Variants in PSMB2 observed in about 807,000 individuals in gnomAD.
PSMB2 encodes the protein proteasome 20S subunit beta 2, also known as proteasome subunit beta type-2.
In PSMB2, 13 loss-of-function variants were observed where a neutral mutation model predicts 25.7. That is an observed-to-expected ratio of 0.51 (90% CI 0.33 to 0.80). PSMB2 has a LOEUF of 0.80. Ranked by LOEUF, PSMB2 falls within the 30% of genes least tolerant of loss-of-function variation. The pLI is 0.02. For missense variants in PSMB2, 202 were observed against 259.0 expected (o/e 0.78, Z 1.51); for synonymous variants, 87 against 96.2 (o/e 0.90, Z 0.56).
intron 5 of PSMB2, 134 bp from the exon 6 acceptor site, chr1:35,603,508 G>T (rs3820465): frequency 0.019 from 20,418 of 1,075,898 alleles, 750 homozygotes; most frequent in African/African-American, 0.12. Context: ...ACTGGAGGCA[G>T]TTGGCAGTAG....
chr1:35,609,057 C>T (rs1002736839), intron 4 of PSMB2, among the ~76,000 whole-genome samples, 189 bp downstream of exon 4: 2 of 152,184 alleles, frequency 1.3e-5, no homozygotes, highest in Admixed American at 1.3e-4. Flanking sequence ...AAAAATAGAA[C>T]TTACATCAGC....
At chr1:35,639,678 G>A (rs1232292907) in intron 1 of PSMB2, among the ~76,000 whole-genome samples, 1 of 152,146 alleles carries the variant, frequency 6.6e-6, no homozygotes, top group African/African-American at 2.4e-5. Flanking sequence ...ACATACATTT[G>A]GGATGAAACA....
At chr1:35,618,928 T>C (rs1038426238) in intron 3 of PSMB2, among the ~76,000 whole-genome samples, 2 of 152,214 alleles carry the variant, frequency 1.3e-5, no homozygotes, top group African/African-American at 4.8e-5. Flanking sequence ...CTGGCCCACG[T>C]TTATAAATTC....
chr1:35,613,669 C>T (rs1650402955), intron 3 of PSMB2, among the ~76,000 whole-genome samples: 1 of 152,164 alleles, frequency 6.6e-6, no homozygotes, highest in Non-Finnish European at 1.5e-5. Context: ...TTCTACCTCC[C>T]TCTAGACACA....
chr1:35,605,397 TAAA>T (rs764137582), intron 4 of PSMB2, 115 bp from the exon 5 acceptor site: 88 of 1,036,242 alleles, frequency 8.5e-5, no homozygotes, highest in Non-Finnish European at 1.3e-4. Context: ...CACACAAACG[TAAA>T]AGGCAAAAAA....
chr1:35,611,355 A>C (rs1171723399), intron 3 of PSMB2, among the ~76,000 whole-genome samples: 1 of 149,750 alleles, frequency 6.7e-6, no homozygotes, highest in Non-Finnish European at 1.5e-5. Flanking sequence ...AGGGGTTGGG[A>C]GGGGAGTAAC....
chr1:35,610,775 T>G (rs989087705), intron 3 of PSMB2, among the ~76,000 whole-genome samples: 1 of 152,232 alleles, frequency 6.6e-6, no homozygotes, highest in Non-Finnish European at 1.5e-5. Context: ...ATTACAGGCG[T>G]GAGCCACTGC....
At chr1:35,636,562 T>G in intron 1 of PSMB2, 130 bp from the exon 2 acceptor site, 1 of 1,044,598 alleles carries the variant, frequency 9.6e-7, no homozygotes. Context: ...GAATCCACAA[T>G]TCAACAAACT....
At chr1:35,615,825 G>C (rs979613129) in intron 3 of PSMB2, among the ~76,000 whole-genome samples, 3 of 152,216 alleles carry the variant, frequency 2.0e-5, no homozygotes, top group African/African-American at 7.2e-5. Flanking sequence ...GGAATGCTAA[G>C]CAGTGTGTGA....
intron 3 of PSMB2, among the ~76,000 whole-genome samples, chr1:35,613,209 C>A (rs532153963): frequency 1.4e-4 from 21 of 152,296 alleles, no homozygotes; most frequent in African/African-American, 4.3e-4. Flanking sequence ...CAACAACTTG[C>A]AGTTTGTAAA....
intron 3 of PSMB2, among the ~76,000 whole-genome samples, chr1:35,628,596 A>AAAAAAAATATATAT (rs59538661): frequency 8.0e-5 from 2 of 25,104 alleles, no homozygotes; most frequent in Non-Finnish European, 1.5e-4. Context: ...AAAAAAAAAA[A>AAAAAAAATATATAT]ATATATATAT....
chr1:35,608,364 CAAAAA>C (rs112782164), intron 4 of PSMB2, among the ~76,000 whole-genome samples: 1 of 120,026 alleles, frequency 8.3e-6, no homozygotes. Flanking sequence ...GACTCTGCCT[CAAAAA>C]AAAAAAAAAG....
intron 4 of PSMB2, 22 bp downstream of exon 4, chr1:35,609,224 T>A (rs1650259285): frequency 6.5e-7 from 1 of 1,535,150 alleles, no homozygotes; most frequent in Non-Finnish European, 8.8e-7. Flanking sequence ...CACTGCTCCC[T>A]CCCTAGAGTA....
chr1:35,623,685 C>T (rs1650764920), intron 3 of PSMB2, among the ~76,000 whole-genome samples: 2 of 152,174 alleles, frequency 1.3e-5, no homozygotes, highest in South Asian at 2.1e-4. Flanking sequence ...AGGCAAGCCT[C>T]GGCATGGGTG....
Position 35,641,488 on chromosome 1 carries a change from C to A in PSMB2, c.-56G>T, listed in dbSNP as rs1193739818. The A allele has an allele frequency of 5.6e-6, 9 of 1,610,580 alleles. No homozygotes were observed. The Admixed American group carries it at 1.3e-4, about 24-fold the overall frequency. Reference sequence around the variant, plus strand: ...ACACAGCACGAGACTCGCCCGCTTCCAGGTCTCACCGGTGAGACAGCACCT... The same window carrying A: ...ACACAGCACGAGACTCGCCCGCTTCAAGGTCTCACCGGTGAGACAGCACCT... On this transcript the variant is annotated 5_prime_UTR_variant, in exon 1 of 6. Coordinates refer to ENST00000373237, the MANE Select transcript of PSMB2 (RefSeq NM_002794.5).
intron 4 of PSMB2, among the ~76,000 whole-genome samples, chr1:35,605,802 G>C (rs1044600155): frequency 2.0e-5 from 3 of 152,186 alleles, no homozygotes; most frequent in Admixed American, 6.5e-5. Flanking sequence ...CTGTCTGTGG[G>C]CGTGGCAAAC....
chr1:35,603,764 C>T (rs994586631), intron 5 of PSMB2, among the ~76,000 whole-genome samples: 5 of 152,148 alleles, frequency 3.3e-5, no homozygotes, highest in African/African-American at 1.2e-4. Flanking sequence ...CAGAACGAAG[C>T]AGAGGCCAGG....
intron 3 of PSMB2, among the ~76,000 whole-genome samples, chr1:35,627,018 C>T (rs1026690906): frequency 1.3e-5 from 2 of 151,834 alleles, no homozygotes; most frequent in South Asian, 2.1e-4. Context: ...TTTAAATAGC[C>T]CCATGTGGCT....
chr1:35,611,827 C>CAA (rs956758517), intron 3 of PSMB2, among the ~76,000 whole-genome samples: 1 of 140,256 alleles, frequency 7.1e-6, no homozygotes, highest in African/African-American at 2.6e-5. Context: ...ACTCTATCTC[C>CAA]AAAAAAAAAA....
Sources: allele counts gnomAD v4.1 joint callset (sites outside exome capture counted in the v4.1 genomes callset), GRCh38; gene constraint gnomAD v4.1.1; transcripts MANE v1.5; gene names NCBI Gene and HGNC (gene_info 2026-07-23, HGNC 2026-07-21).